STPG2: variants seen among roughly 807,000 people sequenced by gnomAD.
The protein encoded by STPG2 is sperm-tail PG-rich repeat-containing protein 2.
Under a neutral mutation model 54.2 loss-of-function variants are expected in STPG2, and 56 were observed. The observed-to-expected ratio is 1.03, with a 90% confidence interval of 0.83 to 1.29. The LOEUF is 1.29. STPG2 is among the 50% of genes most tolerant of loss of function. The probability of loss-of-function intolerance (pLI) is 0.00; values close to 1 mark genes in which losing one functional copy is unlikely to be tolerated. For synonymous variants in STPG2, 200 were observed against 181.8 expected (o/e 1.10, Z -0.81); for missense variants, 596 against 544.9 (o/e 1.09, Z -0.93).
At chr4:97,880,978 A>G (rs773901367) in intron 8 of STPG2, among the ~76,000 whole-genome samples, 10 of 152,084 alleles carry the variant, frequency 6.6e-5, no homozygotes, top group Non-Finnish European at 1.5e-5. Context: ...TTAATGAGGA[A>G]AGGATTTATT....
intron 8 of STPG2, among the ~76,000 whole-genome samples, chr4:97,927,270 T>C (rs186881221): frequency 2.0e-5 from 3 of 152,126 alleles, no homozygotes; most frequent in African/African-American, 7.2e-5. Flanking sequence ...CACTAAATAA[T>C]TCTAAGAAAT....
At chr4:98,080,480 A>G (rs1435675420) in intron 5 of STPG2, among the ~76,000 whole-genome samples, 1 of 152,176 alleles carries the variant, frequency 6.6e-6, no homozygotes, top group Non-Finnish European at 1.5e-5. Flanking sequence ...AAATCAGTTT[A>G]CTGAAGTAGG....
At chr4:97,470,443 C>T (rs1729895037) in intron 4 of STPG2, among the ~76,000 whole-genome samples, 1 of 152,092 alleles carries the variant, frequency 6.6e-6, no homozygotes, top group South Asian at 2.1e-4. Flanking sequence ...TTTCAAAATA[C>T]ATTATACAAC....
intron 4 of STPG2, among the ~76,000 whole-genome samples, chr4:97,459,435 T>G (rs982864592): frequency 6.1e-5 from 9 of 148,172 alleles, no homozygotes; most frequent in African/African-American, 2.3e-4. Context: ...TGCCTGTTTT[T>G]TTTTGTTTTT....
At chr4:97,761,912 A>C (rs994982155) in intron 9 of STPG2, among the ~76,000 whole-genome samples, 7 of 152,056 alleles carry the variant, frequency 4.6e-5, no homozygotes, top group African/African-American at 1.7e-4. Flanking sequence ...TGCTTACCTC[A>C]TATGTGTGGC....
intron 10 of STPG2, among the ~76,000 whole-genome samples, chr4:97,582,889 A>G (rs1732897280): frequency 1.3e-5 from 2 of 152,052 alleles, no homozygotes; most frequent in African/African-American, 2.4e-5. Flanking sequence ...GGAGGAAAAA[A>G]GGTCTGCAAA....
At chr4:97,770,494 C>T (rs925387661) in intron 9 of STPG2, among the ~76,000 whole-genome samples, 1 of 152,052 alleles carries the variant, frequency 6.6e-6, no homozygotes, top group Non-Finnish European at 1.5e-5. Context: ...GAGGCAGCTG[C>T]AGGCTAGGAT....
intron 4 of STPG2, among the ~76,000 whole-genome samples, chr4:97,538,018 G>T (rs566023632): frequency 2.0e-5 from 3 of 152,194 alleles, no homozygotes; most frequent in South Asian, 2.1e-4. Flanking sequence ...AAACACAAAG[G>T]ACATCCACAC....
intron 8 of STPG2, among the ~76,000 whole-genome samples, chr4:97,882,284 A>C (rs776721268): frequency 6.6e-6 from 1 of 152,190 alleles, no homozygotes; most frequent in Non-Finnish European, 1.5e-5. Context: ...AGCATTTCTT[A>C]CTGTGTAGAC....
At chr4:98,024,919 TCA>T (rs1491046833) in intron 5 of STPG2, among the ~76,000 whole-genome samples, 15 of 138,788 alleles carry the variant, frequency 1.1e-4, no homozygotes, top group Non-Finnish European at 6.6e-5. Flanking sequence ...AAATATTAAT[TCA>T]AGACTCAACA....
chr4:97,504,006 C>T (rs59067477), intron 4 of STPG2, among the ~76,000 whole-genome samples: 1 of 137,602 alleles, frequency 7.3e-6, no homozygotes, highest in Non-Finnish European at 1.6e-5. Flanking sequence ...AATATATTTT[C>T]ATATTCATAT....
At chr4:98,067,223 G>A (rs1306394330) in intron 5 of STPG2, among the ~76,000 whole-genome samples, 1 of 152,130 alleles carries the variant, frequency 6.6e-6, no homozygotes, top group Admixed American at 6.6e-5. Flanking sequence ...ATTAGAGAGA[G>A]GTAGGCTTTT....
chr4:97,717,539 T>C (rs1724328925), intron 9 of STPG2, among the ~76,000 whole-genome samples: 1 of 152,194 alleles, frequency 6.6e-6, no homozygotes. Flanking sequence ...TTGGCTTGAC[T>C]GAAATATCTC....
intron 9 of STPG2, among the ~76,000 whole-genome samples, chr4:97,793,402 C>CACACACACAG (rs1553913919): frequency 6.7e-6 from 1 of 148,246 alleles, no homozygotes; most frequent in African/African-American, 2.5e-5. Context: ...CACACACACA[C>CACACACACAG]AGAGAAATAG....
intron 7 of STPG2, among the ~76,000 whole-genome samples, chr4:97,946,275 C>T (rs1159330017): frequency 1.3e-5 from 2 of 151,942 alleles, no homozygotes; most frequent in African/African-American, 4.8e-5. Flanking sequence ...GTTTGAGTTC[C>T]TTGTAGATTC....
At chr4:98,075,847 T>C (rs906546292) in intron 5 of STPG2, among the ~76,000 whole-genome samples, 1 of 152,232 alleles carries the variant, frequency 6.6e-6, no homozygotes, top group Non-Finnish European at 1.5e-5. Context: ...TAATATCACA[T>C]AAAGTTATAT....
chr4:97,500,137 G>C (rs1330658511), intron 4 of STPG2, among the ~76,000 whole-genome samples: 1 of 151,980 alleles, frequency 6.6e-6, no homozygotes, highest in Non-Finnish European at 1.5e-5. Flanking sequence ...TCAGAGAAAA[G>C]ATGATGATAG....
chr4:97,999,155 C>A (rs1735334762), intron 5 of STPG2, among the ~76,000 whole-genome samples: 3 of 152,074 alleles, frequency 2.0e-5, no homozygotes, highest in Admixed American at 2.0e-4. Flanking sequence ...TATGCAGAAA[C>A]AAATAACTGA....
In STPG2 at chr4:97,561,018, G is replaced by A. The variant is rs916728790; in HGVS notation, c.1321-1901C>T. 3.5e-4 allele frequency among the ~76,000 whole-genome samples: 54 copies of A among 152,192 alleles called. 1 individual carries two copies. Among genetic ancestry groups the A allele is most frequent in the Admixed American group, 4.6e-4 (7 of 15,294 alleles). On this transcript the variant is annotated intron_variant, in intron 10 of 10. Transcript: ENST00000295268. ...ATTTCTAGTTCTAGATCCCTGAGGA[G>A]TCGCCACACTGACTTCCACAATGGT... is the stretch of plus-strand genomic sequence containing the variant.
Sources: allele counts gnomAD v4.1 joint callset (sites outside exome capture counted in the v4.1 genomes callset), GRCh38; gene constraint gnomAD v4.1.1; transcripts MANE v1.5; gene names NCBI Gene and HGNC (gene_info 2026-07-23, HGNC 2026-07-21).